The following EED variants were observed in gnomAD, a reference collection of about 807,000 sequenced individuals.
EED encodes the protein embryonic ectoderm development.
In EED, 9 loss-of-function variants were observed where a neutral mutation model predicts 61.0. The observed-to-expected ratio is 0.15, with a 90% CI of 0.09 to 0.26. The LOEUF (loss-of-function observed/expected upper bound fraction) is 0.26, where lower values mean the gene tolerates loss of function less well. EED is among the 10% of genes least tolerant of loss of function. The pLI is 1.00. For synonymous variants in EED, 187 were observed against 174.4 expected, an observed-to-expected ratio of 1.07 and a Z score of -0.57; for missense variants, 315 against 542.3, an observed-to-expected ratio of 0.58 and a Z score of 4.16.
intron 8 of EED, among the ~76,000 whole-genome samples, chr11:86,266,796 C>G (rs1016277399): frequency 3.9e-5 from 6 of 152,082 alleles, no homozygotes; most frequent in African/African-American, 1.4e-4. Context: ...ATTCTTAATG[C>G]AGTAACTGTC....
At chr11:86,258,554 G>GTTTTTTTTTT (rs768325009) in intron 6 of EED, among the ~76,000 whole-genome samples, 1 of 143,664 alleles carries the variant, frequency 7.0e-6, no homozygotes, top group Admixed American at 7.0e-5. Flanking sequence ...TTTGTTTTTT[G>GTTTTTTTTTT]GTTTTTTTTT....
chr11:86,249,508 C>G (rs764749202), intron 1 of EED, among the ~76,000 whole-genome samples: 3 of 152,020 alleles, frequency 2.0e-5, no homozygotes, highest in Non-Finnish European at 2.9e-5. Context: ...TAGTGGAATC[C>G]TCTTCTGAGA....
intron 3 of EED, among the ~76,000 whole-genome samples, chr11:86,252,656 A>T (rs1004396934): frequency 6.6e-6 from 1 of 152,194 alleles, no homozygotes; most frequent in African/African-American, 2.4e-5. Flanking sequence ...GTGGATTTAA[A>T]TAAGTTATTG....
intron 3 of EED, among the ~76,000 whole-genome samples, chr11:86,253,687 T>C (rs72963966): frequency 0.012 from 1,794 of 152,286 alleles, 9 homozygotes; most frequent in Middle Eastern, 0.031. Context: ...ACACAGGATC[T>C]TCAGAGGTCT....
downstream of EED, among the ~76,000 whole-genome samples, chr11:86,281,419 T>G (rs548690764): frequency 3.7e-4 from 56 of 152,302 alleles, no homozygotes; most frequent in Admixed American, 9.2e-4. Context: ...TTTTTTTATT[T>G]TCTATTTCAT....
intron 7 of EED, chr11:86,265,515 G>A (rs1945951793): frequency 6.6e-6 from 1 of 152,128 alleles, no homozygotes; most frequent in South Asian, 2.1e-4. Context: ...TCTGTTACAT[G>A]CCTGTTAAAA....
intron 1 of EED, among the ~76,000 whole-genome samples, chr11:86,247,150 G>A (rs11234589): frequency 2.0e-5 from 3 of 152,152 alleles, no homozygotes; most frequent in Non-Finnish European, 4.4e-5. Context: ...GACCCTTACA[G>A]GAAAACATAT....
chr11:86,261,462 G>A (rs1241259814), intron 6 of EED, among the ~76,000 whole-genome samples: 3 of 152,174 alleles, frequency 2.0e-5, no homozygotes, highest in East Asian at 1.9e-4. Flanking sequence ...AGTTGGAGTC[G>A]GGTGCCTGCA....
chr11:86,254,127 G>A (rs1206867358), intron 3 of EED, among the ~76,000 whole-genome samples: 1 of 149,276 alleles, frequency 6.7e-6, no homozygotes, highest in East Asian at 2.0e-4. Context: ...TGTGTATGGT[G>A]TATGTATAGT....
chr11:86,262,102 G>A (rs1945845558), intron 6 of EED, among the ~76,000 whole-genome samples: 1 of 152,064 alleles, frequency 6.6e-6, no homozygotes. Flanking sequence ...GGCTGGTCTT[G>A]AACTTCTGGG....
chr11:86,257,742 A>C (rs1226010533), intron 6 of EED, 146 bp downstream of exon 6: 2 of 599,598 alleles, frequency 3.3e-6, no homozygotes, highest in African/African-American at 3.8e-5. Context: ...ACTCACAAAA[A>C]AACACAACCA....
At chr11:86,264,646 G>T (rs1206008395) in intron 7 of EED, 1 of 158,256 alleles carries the variant, frequency 6.3e-6, no homozygotes, top group African/African-American at 2.4e-5. Context: ...GAAACATAAC[G>T]TTTTTTGCTA....
At chr11:86,261,853 A>G (rs529480164) in intron 6 of EED, among the ~76,000 whole-genome samples, 2 of 152,316 alleles carry the variant, frequency 1.3e-5, no homozygotes, top group African/African-American at 4.8e-5. Flanking sequence ...CAGTGAATGT[A>G]GAGGTCCCAT....
chr11:86,252,932 G>A (rs1189508639), intron 3 of EED, among the ~76,000 whole-genome samples: 1 of 151,990 alleles, frequency 6.6e-6, no homozygotes, highest in African/African-American at 2.4e-5. Flanking sequence ...TTTTTTTGTA[G>A]GGATAGGTTT....
chr11:86,285,758 C>T, the EED span, among the ~76,000 whole-genome samples: 1 of 151,596 alleles, frequency 6.6e-6, no homozygotes, highest in Non-Finnish European at 1.5e-5. Context: ...CCACCAAGCC[C>T]AGCTAATTTT....
Position 86,277,094 on chromosome 11 carries a change from T to G in EED, c.1081T>G (p.Cys361Gly). 6.3e-7 allele frequency: 1 copy of G among 1,596,068 alleles called. No homozygotes were observed. ...TCTTGGGCGATTTGATTACAGCCAG[T>G]GTGACATTTGGTACATGAGGTTTTC... ...TILGRFDYSQ[C>G]DIWYMRFSMD... is the part of the protein sequence containing the mutation. The change falls in exon 10 of 12, where the codon TGT becomes GGT. Residue 361 changes from cysteine (C) to glycine (G), a missense_variant. By Grantham distance (159) the Cys-to-Gly change is radical. Around this residue, in one of 2 missense-constraint regions of EED, gnomAD observed 205 missense variants for 455.4 expected, o/e 0.45. Coordinates refer to ENST00000263360, the MANE Select transcript of EED (RefSeq NM_003797.5).
chr11:86,263,986 A>G (rs1165468971), intron 6 of EED, 186 bp from the exon 7 acceptor site: 7 of 567,810 alleles, frequency 1.2e-5, no homozygotes, highest in South Asian at 2.3e-5. Flanking sequence ...TATTCAAACT[A>G]TAGCACTTAC....
chr11:86,276,186 G>A (rs929353679), intron 9 of EED: 16 of 152,168 alleles, frequency 1.1e-4, no homozygotes, highest in African/African-American at 3.9e-4. Flanking sequence ...TCCCTTCGTG[G>A]GCAAACCACT....
At chr11:86,251,262 G>A (rs1945523743) in intron 2 of EED, among the ~76,000 whole-genome samples, 1 of 152,144 alleles carries the variant, frequency 6.6e-6, no homozygotes, top group African/African-American at 2.4e-5. Context: ...TTTTGCTCCT[G>A]TAAAAGGAGA....
Sources: gnomAD v4.1 joint callset for allele counts (sites outside exome capture counted in the v4.1 genomes callset) on GRCh38, gnomAD v4.1.1 for gene constraint, gnomAD v4.1.1 regional missense constraint, MANE v1.5 for transcripts, NCBI Gene and HGNC (gene_info 2026-07-23, HGNC 2026-07-21) for gene names.